MAPRE3: variants seen among roughly 807,000 people sequenced by gnomAD.
MAPRE3 encodes microtubule associated protein RP/EB family member 3.
MAPRE3 carries 2 observed loss-of-function variants against 30.5 expected under a neutral mutation model. The ratio of observed to expected loss-of-function variants is 0.07; its 90% CI spans 0.03 to 0.21. The LOEUF (loss-of-function observed/expected upper bound fraction) is 0.21, where lower values mean the gene tolerates loss of function less well. Ranked by LOEUF, MAPRE3 falls within the 10% of genes least tolerant of loss-of-function variation. MAPRE3 has a pLI of 1.00. For missense variants in MAPRE3, 204 were observed against 351.8 expected, an observed-to-expected ratio of 0.58 and a Z score of 3.36; for synonymous variants, 110 against 127.7, an observed-to-expected ratio of 0.86 and a Z score of 0.93.
rs963182787 is a variant in MAPRE3, at chr2:26,986,389, C to T, written c.-8+15587C>T. The T allele has an allele frequency of 1.3e-5, 2 of 152,194 alleles. No individual in the cohort carries two copies. The highest frequency in any genetic ancestry group is 2.9e-5 in the Non-Finnish European group (2 of 68,030). The allele number at this position is 152,194 out of a possible 1,614,324, so 9.4% of individuals were successfully genotyped here. On this transcript the variant is annotated intron_variant, in intron 1 of 6. Coordinates refer to ENST00000233121, the MANE Select transcript of MAPRE3 (RefSeq NM_012326.4). The surrounding 1 kb of genome is among the most constrained non-coding windows in gnomAD (Gnocchi z 4.2). The stretch of plus-strand genomic sequence containing the variant: ...GACACGGACATCTTTGAGAACCTAC[C>T]ATAGTCTGTAAGCCTAAATGGTATG...
chr2:27,021,030 T>C (rs577434139), intron 1 of MAPRE3, among the ~76,000 whole-genome samples: 4 of 152,334 alleles, frequency 2.6e-5, no homozygotes, highest in African/African-American at 9.6e-5. Context: ...TTTTTTCATG[T>C]CATGATTTCC....
At chr2:26,992,550 A>AG in intron 1 of MAPRE3, among the ~76,000 whole-genome samples, 2 of 148,920 alleles carry the variant, frequency 1.3e-5, no homozygotes, top group Non-Finnish European at 3.0e-5. Context: ...TTTTTTTTTA[A>AG]TCCTGACCTA....
At chr2:26,983,047 G>A (rs1666145676) in intron 1 of MAPRE3, among the ~76,000 whole-genome samples, 1 of 152,184 alleles carries the variant, frequency 6.6e-6, no homozygotes, top group African/African-American at 2.4e-5. Context: ...AGAGGGAAAT[G>A]GAAAGACATG....
intron 1 of MAPRE3, among the ~76,000 whole-genome samples, chr2:27,016,632 C>A (rs1314196948): frequency 6.6e-6 from 1 of 152,128 alleles, no homozygotes; most frequent in Non-Finnish European, 1.5e-5. Context: ...GATCCGCCCA[C>A]CTCGGCCTCC....
intron 1 of MAPRE3, among the ~76,000 whole-genome samples, chr2:26,991,943 G>A (rs147458886): frequency 4.6e-5 from 7 of 152,218 alleles, no homozygotes; most frequent in African/African-American, 1.2e-4. Context: ...TAGGCCACAC[G>A]TGGAAATTGA....
intron 1 of MAPRE3, among the ~76,000 whole-genome samples, chr2:27,001,293 G>A (rs1666589787): frequency 6.6e-6 from 1 of 152,246 alleles, no homozygotes; most frequent in Admixed American, 6.5e-5. Flanking sequence ...TGTACAGCAT[G>A]TGACTGCACT....
intron 1 of MAPRE3, among the ~76,000 whole-genome samples, chr2:27,002,303 A>T (rs1666617840): frequency 6.6e-6 from 1 of 152,214 alleles, no homozygotes; most frequent in Admixed American, 6.5e-5. Flanking sequence ...GTTTTTCATT[A>T]TTGTAAACAT....
chr2:26,997,634 C>A (rs943717176), intron 1 of MAPRE3, among the ~76,000 whole-genome samples: 9 of 152,112 alleles, frequency 5.9e-5, no homozygotes, highest in African/African-American at 2.2e-4. Context: ...TCCTAACATT[C>A]CACGGACCCG....
intron 1 of MAPRE3, among the ~76,000 whole-genome samples, chr2:27,018,048 C>A (rs1260740244): frequency 2.0e-5 from 3 of 152,166 alleles, no homozygotes; most frequent in Non-Finnish European, 4.4e-5. Context: ...TGATTTCAAT[C>A]AAAAACTGGA....
chr2:26,996,534 GGTTT>G (rs1666464095), intron 1 of MAPRE3, among the ~76,000 whole-genome samples: 1 of 152,096 alleles, frequency 6.6e-6, no homozygotes, highest in African/African-American at 2.4e-5. Context: ...CGGGCGCGGT[GGTTT>G]AAGCCTGTAA....
chr2:26,976,699 C>G (rs7560935), intron 1 of MAPRE3, among the ~76,000 whole-genome samples: 2,907 of 152,314 alleles, frequency 0.019, 106 homozygotes, highest in African/African-American at 0.067. Context: ...TGCTTTAACT[C>G]CATGCAAAAT....
chr2:27,002,493 G>C (rs915250455), intron 1 of MAPRE3, among the ~76,000 whole-genome samples: 1 of 149,770 alleles, frequency 6.7e-6, no homozygotes, highest in Non-Finnish European at 1.5e-5. Context: ...ATGTTTAAAA[G>C]AACCCATTTC....
chr2:26,978,519 T>C (rs1168016614), intron 1 of MAPRE3, among the ~76,000 whole-genome samples: 1 of 152,208 alleles, frequency 6.6e-6, no homozygotes, highest in Non-Finnish European at 1.5e-5. Context: ...TTTAGATGCT[T>C]AGAGCTCATA....
chr2:27,023,262 G>A (rs751296830), intron 2 of MAPRE3, 70 bp from the exon 3 acceptor site: 342 of 1,516,290 alleles, frequency 2.3e-4, no homozygotes, highest in Non-Finnish European at 2.8e-4. Context: ...ACGGGGTTTG[G>A]GGAAGTGAGA....
At chr2:26,975,681 A>G in intron 1 of MAPRE3, among the ~76,000 whole-genome samples, 1 of 152,362 alleles carries the variant, frequency 6.6e-6, no homozygotes, top group East Asian at 1.9e-4. Flanking sequence ...TGTTATAAGA[A>G]GCATGTATGC....
chr2:27,010,102 A>G (rs1195171010), intron 1 of MAPRE3, among the ~76,000 whole-genome samples: 1 of 152,214 alleles, frequency 6.6e-6, no homozygotes, highest in African/African-American at 2.4e-5. Context: ...TTAGAAAGCA[A>G]TTTTGTCTAT....
At chr2:26,989,735 G>A (rs1666296149) in intron 1 of MAPRE3, among the ~76,000 whole-genome samples, 1 of 152,152 alleles carries the variant, frequency 6.6e-6, no homozygotes, top group Non-Finnish European at 1.5e-5. Context: ...TCCGGACTTC[G>A]TTTGCCTTGC....
At chr2:27,016,717 T>C (rs1022338604) in intron 1 of MAPRE3, among the ~76,000 whole-genome samples, 2 of 152,124 alleles carry the variant, frequency 1.3e-5, no homozygotes, top group Non-Finnish European at 2.9e-5. Flanking sequence ...AGGCAGCTGG[T>C]CCACTTAGAC....
At position 26,986,175 on chromosome 2, in the gene MAPRE3, C is replaced by T. The variant is rs559003531; in HGVS notation, c.-8+15373C>T. ...GCCCACATTCACTGGCTCCTGGCAG[C>T]GCATCACTCTGCTTCCATCATCACT... On this transcript the variant is annotated intron_variant, in intron 1 of 6. Transcript: ENST00000233121. This position sits in a 1 kb window ranked among gnomAD's most constrained non-coding sequence, Gnocchi z 4.2. Among the ~76,000 whole-genome samples, 7 of 152,290 alleles carry T rather than the reference C, an allele frequency of 4.6e-5. No homozygotes were observed. The highest frequency in any genetic ancestry group is 1.2e-4 in the African/African-American group (5 of 41,550).
Sources: allele counts gnomAD v4.1 joint callset (sites outside exome capture counted in the v4.1 genomes callset), GRCh38; gene constraint gnomAD v4.1.1; non-coding constraint Gnocchi (gnomAD v3.1); transcripts MANE v1.5; gene names NCBI Gene and HGNC (gene_info 2026-07-23, HGNC 2026-07-21).